Variants in ABCC4 observed in about 807,000 individuals in gnomAD.
ABCC4 encodes ATP binding cassette subfamily C member 4 (PEL blood group).
ABCC4 carries 102 observed loss-of-function variants against 168.5 expected under a neutral mutation model. The ratio of observed to expected loss-of-function variants is 0.61; its 90% CI spans 0.52 to 0.71. The LOEUF (loss-of-function observed/expected upper bound fraction) is 0.71, where lower values mean the gene tolerates loss of function less well. ABCC4 is among the 30% of genes least tolerant of loss of function. The pLI, the probability that ABCC4 is intolerant of heterozygous loss-of-function variation, is 0.00. For missense variants in ABCC4, 1,402 were observed against 1,605.8 expected (o/e 0.87, Z 2.17); for synonymous variants, 617 against 590.7 (o/e 1.04, Z -0.65).
intron 27 of ABCC4, among the ~76,000 whole-genome samples, chr13:95,049,652 TAAATAAATAA>T (rs1238510319): frequency 1.3e-5 from 2 of 150,816 alleles, no homozygotes; most frequent in African/African-American, 2.4e-5. Context: ...AATAAATAAA[TAAATAAATAA>T]AAATAAATAA....
intron 8 of ABCC4, among the ~76,000 whole-genome samples, chr13:95,202,952 G>T (rs928207073): frequency 6.6e-6 from 1 of 152,110 alleles, no homozygotes; most frequent in Admixed American, 6.5e-5. Context: ...GAGCCATCGC[G>T]CCTGGCCGCA....
At position 95,274,291 on chromosome 13, in the gene ABCC4, C is replaced by T. The variant is rs1375234749; in HGVS notation, c.75-26538G>A. Among the ~76,000 whole-genome samples, 2 of 152,114 alleles carry T rather than the reference C, an allele frequency of 1.3e-5. 1 individual carries two copies. The highest frequency in any genetic ancestry group is 4.2e-4 in the South Asian group (2 of 4,812). On this transcript the variant is annotated intron_variant, in intron 1 of 30. Coordinates refer to ENST00000645237, the MANE Select transcript of ABCC4 (RefSeq NM_005845.5). ...TATGATGTCTTGACGTTTTGGAAACCTCTCTGGCTGGGGAGAGACTGTCCT... is the reference window on the plus strand; with the variant it reads ...TATGATGTCTTGACGTTTTGGAAACTTCTCTGGCTGGGGAGAGACTGTCCT...
chr13:95,140,756 A>T (rs2036293593), intron 19 of ABCC4, among the ~76,000 whole-genome samples: 1 of 152,140 alleles, frequency 6.6e-6, no homozygotes, highest in Non-Finnish European at 1.5e-5. Context: ...TCTATGGCTA[A>T]TTTTTTCATA....
At chr13:95,291,818 G>A (rs576469850) in intron 1 of ABCC4, among the ~76,000 whole-genome samples, 4 of 152,076 alleles carry the variant, frequency 2.6e-5, no homozygotes, top group South Asian at 2.1e-4. Context: ...GTGGTGGCGC[G>A]TGCCTGTAAT....
intron 13 of ABCC4, among the ~76,000 whole-genome samples, chr13:95,174,580 T>G (rs993119768): frequency 3.3e-5 from 5 of 152,252 alleles, no homozygotes; most frequent in Non-Finnish European, 7.3e-5. Flanking sequence ...GCAAGAGGAC[T>G]TTATAAATAC....
chr13:95,034,536 A>G (rs2032035545), intron 30 of ABCC4, 69 bp downstream of exon 30: 3 of 1,556,188 alleles, frequency 1.9e-6, no homozygotes, highest in African/African-American at 1.4e-5. Context: ...TACCATACCC[A>G]TGGTGCCAAA....
intron 8 of ABCC4, among the ~76,000 whole-genome samples, chr13:95,196,767 A>C (rs1376213768): frequency 6.6e-6 from 1 of 151,962 alleles, no homozygotes; most frequent in Non-Finnish European, 1.5e-5. Context: ...GAAAGAAAAA[A>C]GACCAGACCC....
chr13:95,025,488 T>A (rs1367083456), intron 30 of ABCC4, among the ~76,000 whole-genome samples: 1 of 3,952 alleles, frequency 2.5e-4, no homozygotes, highest in African/African-American at 8.6e-4. Flanking sequence ...ACATACACAC[T>A]CACATCCCTC....
chr13:95,122,306 T>C (rs2035597586), intron 19 of ABCC4, among the ~76,000 whole-genome samples: 1 of 152,172 alleles, frequency 6.6e-6, no homozygotes, highest in African/African-American at 2.4e-5. Flanking sequence ...CTTACGCGTA[T>C]CTAAATAAAC....
At chr13:95,238,632 C>T (rs2039846321) in intron 3 of ABCC4, among the ~76,000 whole-genome samples, 3 of 152,128 alleles carry the variant, frequency 2.0e-5, no homozygotes, top group Admixed American at 1.3e-4. Flanking sequence ...CTCAGCTCAC[C>T]GCAACCTCCA....
At chr13:95,061,623 T>TGTGTGC (rs1238261765) in intron 26 of ABCC4, among the ~76,000 whole-genome samples, 1 of 148,382 alleles carries the variant, frequency 6.7e-6, no homozygotes, top group African/African-American at 2.5e-5. Context: ...TGTGTGTGTG[T>TGTGTGC]GTGTGTGTGT....
intron 1 of ABCC4, among the ~76,000 whole-genome samples, chr13:95,294,823 G>A (rs1223759816): frequency 6.6e-6 from 1 of 152,058 alleles, no homozygotes; most frequent in South Asian, 2.1e-4. Context: ...GCATGGTGGC[G>A]CACATCTGTA....
In ABCC4 at chr13:95,074,210, T is replaced by G; in HGVS notation, c.2917+4A>C. Reference sequence around the variant, plus strand: ...CATACATAGTTATTCACATCTGTACTTACTTTTTGCCAGAATCAGGGACCC... The same window carrying G: ...CATACATAGTTATTCACATCTGTACGTACTTTTTGCCAGAATCAGGGACCC... On this transcript the variant is annotated splice_donor_region_variant and intron_variant, in intron 23 of 30. Coordinates refer to ENST00000645237, the MANE Select transcript of ABCC4 (RefSeq NM_005845.5). 1.9e-6 allele frequency: 3 copies of G among 1,605,470 alleles called. No homozygotes were observed. The highest frequency in any genetic ancestry group is 2.6e-6 in the Non-Finnish European group (3 of 1,172,936).
At chr13:95,120,693 C>T (rs1486382956) in intron 19 of ABCC4, among the ~76,000 whole-genome samples, 1 of 151,772 alleles carries the variant, frequency 6.6e-6, no homozygotes, top group Non-Finnish European at 1.5e-5. Flanking sequence ...GTGCAAAGGG[C>T]AAAGGTAGGA....
chr13:95,185,128 G>A (rs1037416569), intron 11 of ABCC4, among the ~76,000 whole-genome samples: 2 of 152,106 alleles, frequency 1.3e-5, no homozygotes, highest in African/African-American at 2.4e-5. Flanking sequence ...TTAAAAAAGC[G>A]AGGCTAGCAA....
intron 8 of ABCC4, among the ~76,000 whole-genome samples, chr13:95,198,456 C>A (rs1414361547): frequency 6.6e-6 from 1 of 152,160 alleles, no homozygotes; most frequent in Non-Finnish European, 1.5e-5. Flanking sequence ...AGTCAGGAAA[C>A]AACAGATGCT....
intron 15 of ABCC4, among the ~76,000 whole-genome samples, chr13:95,164,809 C>T (rs2037219439): frequency 6.6e-6 from 1 of 152,154 alleles, no homozygotes; most frequent in South Asian, 2.1e-4. Context: ...ATTATCCTGC[C>T]TCAGCCTCCT....
chr13:95,234,548 C>T, intron 4 of ABCC4, 62 bp downstream of exon 4: 1 of 1,420,806 alleles, frequency 7.0e-7, no homozygotes, highest in Non-Finnish European at 9.9e-7. Flanking sequence ...TTACATAAAA[C>T]TTCCTCAGAA....
chr13:95,202,977 T>C (rs2038675658), intron 8 of ABCC4, among the ~76,000 whole-genome samples: 1 of 152,080 alleles, frequency 6.6e-6, no homozygotes, highest in South Asian at 2.1e-4. Context: ...TGAGACAGAT[T>C]GACGGCCTGG....
Sources: allele counts gnomAD v4.1 joint callset (sites outside exome capture counted in the v4.1 genomes callset), GRCh38; gene constraint gnomAD v4.1.1; transcripts MANE v1.5; gene names NCBI Gene and HGNC (gene_info 2026-07-23, HGNC 2026-07-21).